LOC128462377: variants seen among roughly 807,000 people sequenced by gnomAD.
chr16:89,343,179 C>A, the LOC128462377 span, among the ~76,000 whole-genome samples: 1 of 152,048 alleles, frequency 6.6e-6, no homozygotes, highest in Admixed American at 6.5e-5. Context: ...TTAGTGGAGA[C>A]GGGGTTTCAC....
the LOC128462377 span, among the ~76,000 whole-genome samples, chr16:89,393,490 C>CTTT: frequency 5.1e-5 from 6 of 117,096 alleles, no homozygotes; most frequent in Non-Finnish European, 7.0e-5. Context: ...TATCCAGCTG[C>CTTT]TTTTTTTTTT....
chr16:89,365,279 C>A, the LOC128462377 span, among the ~76,000 whole-genome samples: 4 of 152,200 alleles, frequency 2.6e-5, no homozygotes. Flanking sequence ...CATCTTATCA[C>A]GTAGTCTAAA....
chr16:89,411,556 G>A, the LOC128462377 span, among the ~76,000 whole-genome samples: 3 of 152,172 alleles, frequency 2.0e-5, no homozygotes, highest in Non-Finnish European at 4.4e-5. Context: ...CATGACGACA[G>A]GCACACACAA....
the LOC128462377 span, among the ~76,000 whole-genome samples, chr16:89,366,983 T>G: frequency 3.9e-5 from 6 of 152,224 alleles, no homozygotes; most frequent in African/African-American, 1.4e-4. Context: ...GTCCGCTGAT[T>G]GTGGTTTGCC....
the LOC128462377 span, among the ~76,000 whole-genome samples, chr16:89,337,065 A>C: frequency 1.3e-5 from 2 of 149,938 alleles, no homozygotes; most frequent in African/African-American, 4.9e-5. Flanking sequence ...GCACACCTGC[A>C]GTCCCAGCTA....
the LOC128462377 span, among the ~76,000 whole-genome samples, chr16:89,417,320 A>G: frequency 6.6e-6 from 1 of 152,228 alleles, no homozygotes; most frequent in African/African-American, 2.4e-5. Context: ...TGTTCACTTT[A>G]AAACCATGAC....
At chr16:89,413,291 T>C in the LOC128462377 span, among the ~76,000 whole-genome samples, 1 of 152,228 alleles carries the variant, frequency 6.6e-6, no homozygotes, top group Admixed American at 6.5e-5. Context: ...AATGGAAGTA[T>C]GGTGTTACCT....
chr16:89,349,450 A>G, the LOC128462377 span, among the ~76,000 whole-genome samples: 3 of 152,202 alleles, frequency 2.0e-5, no homozygotes, highest in African/African-American at 7.2e-5. Flanking sequence ...ACTGCACTCC[A>G]GCCTGGGCGA....
chr16:89,330,264 G>GCCA, the LOC128462377 span, among the ~76,000 whole-genome samples: 1 of 152,108 alleles, frequency 6.6e-6, no homozygotes, highest in African/African-American at 2.4e-5. Flanking sequence ...TGACCATGCA[G>GCCA]CCACCACCAC....
At chr16:89,338,555 T>C in the LOC128462377 span, among the ~76,000 whole-genome samples, 1 of 151,112 alleles carries the variant, frequency 6.6e-6, no homozygotes, top group Non-Finnish European at 1.5e-5. Flanking sequence ...ATGATGACTG[T>C]CTCTACTAAA....
chr16:89,370,416 C>T, the LOC128462377 span, among the ~76,000 whole-genome samples: 1 of 152,176 alleles, frequency 6.6e-6, no homozygotes, highest in African/African-American at 2.4e-5. Context: ...CTACAGGATC[C>T]TGAGCCCTCC....
the LOC128462377 span, among the ~76,000 whole-genome samples, chr16:89,389,788 G>A: frequency 1.0e-4 from 15 of 145,926 alleles, no homozygotes; most frequent in East Asian, 8.3e-4. Context: ...GGCAAACACC[G>A]AGTGTGGCGG....
At chr16:89,415,368 C>T in the LOC128462377 span, among the ~76,000 whole-genome samples, 2 of 149,014 alleles carry the variant, frequency 1.3e-5, no homozygotes, top group Non-Finnish European at 3.0e-5. Context: ...AGGTTCACGC[C>T]ATTCTCCTGC....
the LOC128462377 span, among the ~76,000 whole-genome samples, chr16:89,406,695 G>A: frequency 1.8e-4 from 28 of 152,280 alleles, no homozygotes; most frequent in African/African-American, 6.3e-4. Flanking sequence ...GAGGAAGGAA[G>A]GACAGACTTC....
At chr16:89,361,131 G>A in the LOC128462377 span, among the ~76,000 whole-genome samples, 6 of 152,154 alleles carry the variant, frequency 3.9e-5, no homozygotes, top group Non-Finnish European at 8.8e-5. Flanking sequence ...CAGACACCCT[G>A]GCTAGGCCCG....
chr16:89,363,741 G>A, the LOC128462377 span, among the ~76,000 whole-genome samples: 4 of 152,138 alleles, frequency 2.6e-5, no homozygotes, highest in East Asian at 5.8e-4. Context: ...GAAGAACACG[G>A]GCCTGCAGGT....
At chr16:89,385,297 T>C in the LOC128462377 span, among the ~76,000 whole-genome samples, 1 of 151,412 alleles carries the variant, frequency 6.6e-6, no homozygotes, top group Non-Finnish European at 1.5e-5. Flanking sequence ...CCCAACTAAT[T>C]TGTGTATTTT....
chr16:89,375,602 C>T, the LOC128462377 span, among the ~76,000 whole-genome samples: 1 of 151,802 alleles, frequency 6.6e-6, no homozygotes, highest in South Asian at 2.1e-4. Context: ...TACAGGCGCC[C>T]GCCACCACGC....
chr16:89,375,975 G>A, the LOC128462377 span, among the ~76,000 whole-genome samples: 1 of 152,182 alleles, frequency 6.6e-6, no homozygotes, highest in African/African-American at 2.4e-5. Flanking sequence ...GTGCTCTGCT[G>A]TGGATGCTTT....
Sources: allele counts gnomAD v4.1 joint callset (sites outside exome capture counted in the v4.1 genomes callset), GRCh38; gene constraint gnomAD v4.1.1; transcripts MANE v1.5.